Variants in TSHZ2 observed in about 807,000 individuals in gnomAD.
TSHZ2 encodes the protein teashirt homolog 2.
In TSHZ2, 21 loss-of-function variants were observed where a neutral mutation model predicts 74.4. The observed-to-expected ratio is 0.28, with a 90% CI of 0.20 to 0.41. The LOEUF is 0.41. Among genes scored for constraint, TSHZ2 ranks in the 10% least tolerant of loss-of-function variants. TSHZ2 has a pLI of 1.00. For synonymous variants in TSHZ2, 540 were observed against 515.3 expected (o/e 1.05, Z -0.65); for missense variants, 1,244 against 1,293.5 (o/e 0.96, Z 0.59).
intron 2 of TSHZ2, among the ~76,000 whole-genome samples, chr20:53,383,446 T>C (rs1981931129): frequency 6.6e-6 from 1 of 152,080 alleles, no homozygotes; most frequent in Non-Finnish European, 1.5e-5. Flanking sequence ...AATCCATGAC[T>C]TTTATTTTGT....
chr20:53,093,103 G>C (rs1250108503), intron 1 of TSHZ2, among the ~76,000 whole-genome samples: 1 of 152,178 alleles, frequency 6.6e-6, no homozygotes, highest in Non-Finnish European at 1.5e-5. Context: ...CTTACCAGCT[G>C]TGGGTGCCTG....
chr20:53,284,192 T>C (rs2668791), intron 2 of TSHZ2, among the ~76,000 whole-genome samples: 73,005 of 152,064 alleles, frequency 0.48, 18,084 homozygotes, highest in East Asian at 0.77. Context: ...CTGTTAAGTG[T>C]TGCTTCTTGA....
intron 1 of TSHZ2, among the ~76,000 whole-genome samples, chr20:53,130,630 A>AAT (rs1376664614): frequency 2.6e-5 from 4 of 152,128 alleles, no homozygotes; most frequent in Admixed American, 6.5e-5. Flanking sequence ...TATCTCAAAA[A>AAT]ATATATATAT....
chr20:53,419,749 C>CT (rs1254011472), intron 2 of TSHZ2, among the ~76,000 whole-genome samples: 2 of 152,196 alleles, frequency 1.3e-5, no homozygotes, highest in Admixed American at 1.3e-4. Flanking sequence ...ACTACTCTAA[C>CT]CACCCTCACT....
At chr20:53,376,080 A>T (rs1981647987) in intron 2 of TSHZ2, among the ~76,000 whole-genome samples, 1 of 152,194 alleles carries the variant, frequency 6.6e-6, no homozygotes, top group Non-Finnish European at 1.5e-5. Context: ...CCACCCTAAG[A>T]AATTGAAGTT....
chr20:53,049,157 G>C (rs1444424354), intron 1 of TSHZ2, among the ~76,000 whole-genome samples: 1 of 152,206 alleles, frequency 6.6e-6, no homozygotes, highest in Non-Finnish European at 1.5e-5. Context: ...TGGCTTGGAT[G>C]AACATCGGCT....
rs80024412 is a variant in TSHZ2, at chr20:53,134,883, C to T, written c.41-118616C>T. Among the ~76,000 whole-genome samples, 812 of 151,922 alleles carry T rather than the reference C, an allele frequency of 5.3e-3. 7 individuals carry two copies. The highest frequency in any genetic ancestry group is 0.019 in the African/African-American group (775 of 41,420). On this transcript the variant is annotated intron_variant, in intron 1 of 2. Transcript: ENST00000371497. ...ACCCAAATCAACAACTTGAAGAGGA[C>T]GTTCACACTTTATGCCATGGGAATA...
chr20:53,005,040 TGGTGGCTCACACTTG>T (rs1345893557), intron 1 of TSHZ2, among the ~76,000 whole-genome samples: 1 of 152,138 alleles, frequency 6.6e-6, no homozygotes, highest in Non-Finnish European at 1.5e-5. Context: ...AAGCCGGGCC[TGGTGGCTCACACTTG>T]TAATCCCAGC....
chr20:52,988,204 C>A, intron 1 of TSHZ2, among the ~76,000 whole-genome samples: 1 of 152,172 alleles, frequency 6.6e-6, no homozygotes, highest in East Asian at 1.9e-4. Flanking sequence ...CATATAACAA[C>A]GAAGCCAAAA....
chr20:53,090,045 C>T (rs1343713281), intron 1 of TSHZ2, among the ~76,000 whole-genome samples: 1 of 152,210 alleles, frequency 6.6e-6, no homozygotes, highest in East Asian at 1.9e-4. Flanking sequence ...CAGTTTGTGG[C>T]CGAAGGCCCA....
At chr20:53,415,327 G>A (rs1983198896) in intron 2 of TSHZ2, among the ~76,000 whole-genome samples, 1 of 152,206 alleles carries the variant, frequency 6.6e-6, no homozygotes, top group Non-Finnish European at 1.5e-5. Context: ...AATTAAATAT[G>A]CAATGATAAA....
chr20:53,426,313 C>A (rs886785158), intron 2 of TSHZ2, among the ~76,000 whole-genome samples: 2 of 152,028 alleles, frequency 1.3e-5, no homozygotes, highest in Admixed American at 1.3e-4. Context: ...GAAAAATAGG[C>A]CTCTAATTTC....
chr20:53,277,204 A>G (rs1990965620), intron 2 of TSHZ2, among the ~76,000 whole-genome samples: 1 of 152,198 alleles, frequency 6.6e-6, no homozygotes, highest in Non-Finnish European at 1.5e-5. Context: ...GACTTAGCTT[A>G]ATACCTTCCT....
chr20:53,208,001 C>T (rs964043515), intron 1 of TSHZ2, among the ~76,000 whole-genome samples: 3 of 151,624 alleles, frequency 2.0e-5, no homozygotes, highest in Admixed American at 6.6e-5. Context: ...TGTCCAGCCT[C>T]CTGTAGTTCT....
chr20:53,215,312 TAGC>T (rs1222778031), intron 1 of TSHZ2, among the ~76,000 whole-genome samples: 1 of 151,968 alleles, frequency 6.6e-6, no homozygotes, highest in Non-Finnish European at 1.5e-5. Flanking sequence ...AAGAGCAAAA[TAGC>T]AGCATTTTGA....
At chr20:53,414,650 C>T (rs1338997965) in intron 2 of TSHZ2, among the ~76,000 whole-genome samples, 1 of 151,912 alleles carries the variant, frequency 6.6e-6, no homozygotes, top group Non-Finnish European at 1.5e-5. Flanking sequence ...AGAGCAAGAC[C>T]CTATCTCTTA....
chr20:53,391,202 A>G (rs2145658684), intron 2 of TSHZ2, among the ~76,000 whole-genome samples: 1 of 152,254 alleles, frequency 6.6e-6, no homozygotes, highest in East Asian at 1.9e-4. Flanking sequence ...GCTGGAGTGC[A>G]GTGGCACGAT....
intron 1 of TSHZ2, among the ~76,000 whole-genome samples, chr20:53,069,650 T>C (rs1203451284): frequency 6.9e-6 from 1 of 145,872 alleles, no homozygotes; most frequent in East Asian, 2.0e-4. Flanking sequence ...TAGCAAAAGG[T>C]CAATGCTTTG....
chr20:53,048,266 G>C (rs970082081), intron 1 of TSHZ2, among the ~76,000 whole-genome samples: 33 of 152,110 alleles, frequency 2.2e-4, no homozygotes, highest in African/African-American at 8.0e-4. Flanking sequence ...GTTTTCATAA[G>C]TTACAAATTC....
Sources: gnomAD v4.1 joint callset for allele counts (sites outside exome capture counted in the v4.1 genomes callset) on GRCh38, gnomAD v4.1.1 for gene constraint, MANE v1.5 for transcripts, NCBI Gene and HGNC (gene_info 2026-07-23, HGNC 2026-07-21) for gene names.